GSS: variants seen among roughly 807,000 people sequenced by gnomAD.
The protein encoded by GSS is glutathione synthetase.
In GSS, 34 loss-of-function variants were observed where a neutral mutation model predicts 60.4. That is an observed-to-expected ratio of 0.56 (90% CI 0.43 to 0.75). GSS has a LOEUF of 0.75. Among genes scored for constraint, GSS ranks in the 30% least tolerant of loss-of-function variants. The pLI, the probability that GSS is intolerant of heterozygous loss-of-function variation, is 0.00. For synonymous variants in GSS, 224 were observed against 239.0 expected (o/e 0.94, Z 0.58); for missense variants, 499 against 595.1 (o/e 0.84, Z 1.68).
At chr20:34,952,154 G>A (rs984901174) in intron 1 of GSS, 13 of 436,736 alleles carry the variant, frequency 3.0e-5, no homozygotes, top group African/African-American at 1.6e-4. Context: ...TGACTTGCCC[G>A]AGGTGATGAC....
At chr20:34,946,580 G>A (rs1162977089) in intron 2 of GSS, 4 of 153,924 alleles carry the variant, frequency 2.6e-5, no homozygotes, top group African/African-American at 9.7e-5. Flanking sequence ...ACGGGGTGCT[G>A]GGATTTGAAC....
In GSS at chr20:34,951,869, G is replaced by A; in HGVS notation, c.-8-9C>T. On this transcript the variant is annotated splice_polypyrimidine_tract_variant and intron_variant, in intron 1 of 12. Coordinates refer to ENST00000651619, the MANE Select transcript of GSS (RefSeq NM_000178.4). Reference sequence around the variant, plus strand: ...GGTGGCCATCCCAACACCTGCAAAAGATGGAGAGAAGAGAGTTGGTAACAG... The same window carrying A: ...GGTGGCCATCCCAACACCTGCAAAAAATGGAGAGAAGAGAGTTGGTAACAG... 6.2e-7 allele frequency: 1 copy of A among 1,613,742 alleles called. No homozygotes were observed. Among genetic ancestry groups the A allele is most frequent in the Non-Finnish European group, 8.5e-7 (1 of 1,180,024 alleles).
intron 6 of GSS, among the ~76,000 whole-genome samples, chr20:34,940,700 T>C (rs2081475560): frequency 1.3e-5 from 2 of 152,184 alleles, no homozygotes; most frequent in Admixed American, 1.3e-4. Flanking sequence ...TAAGTGTACA[T>C]TAAGGACTAT....
At chr20:34,937,107 C>A (rs755567751) in intron 6 of GSS, 84 bp from the exon 7 acceptor site, 3 of 890,898 alleles carry the variant, frequency 3.4e-6, no homozygotes, top group Non-Finnish European at 5.6e-6. Flanking sequence ...TACCGCCCCA[C>A]CTCCTGGAAT....
intron 12 of GSS, 155 bp downstream of exon 12, chr20:34,929,246 A>G (rs756177060): frequency 5.2e-6 from 4 of 772,090 alleles, no homozygotes; most frequent in South Asian, 2.9e-5. Flanking sequence ...GCCTCATTTA[A>G]TAGATAAAGA....
rs202063285 is a variant in GSS, at chr20:34,935,675, A to C, written c.768-33T>G. ...ACAGGATGGAGAAGGCTGCTGTGTT[A>C]AATTATAACTGATTTGTTCAGTGGT... is the stretch of plus-strand genomic sequence containing the variant. On this transcript the variant is annotated intron_variant, in intron 8 of 12. Coordinates refer to ENST00000651619, the MANE Select transcript of GSS (RefSeq NM_000178.4). The C allele has an allele frequency of 3.5e-5, 52 of 1,505,484 alleles. 1 individual carries two copies. The Admixed American group carries it at 3.5e-4, about 10-fold the overall frequency. 93.3% of individuals were successfully genotyped at this position (1,505,484 alleles called of 1,614,324 possible). A position where few individuals can be genotyped will look rare whatever the true frequency, so the allele number is the denominator to read the frequency against.
chr20:34,952,315 G>C (rs761582171), intron 1 of GSS: 6 of 225,742 alleles, frequency 2.7e-5, no homozygotes, highest in Non-Finnish European at 5.4e-5. Flanking sequence ...AGAAGAATCG[G>C]ATAGATCAGT....
chr20:34,946,822 G>A (rs2081526456), intron 2 of GSS: 1 of 152,192 alleles, frequency 6.6e-6, no homozygotes, highest in Non-Finnish European at 1.5e-5. Flanking sequence ...AACAGGCCTA[G>A]AGTTCAGCTG....
Position 34,941,808 on chromosome 20 carries a change from A to G in GSS, c.513T>C (p.Ser171=). ...GGATCTTGCCAGCTTCTTTGGTCTTACTCAGGACACTGAGAACATGTCTGT... is the reference window on the plus strand; with the variant it reads ...GGATCTTGCCAGCTTCTTTGGTCTTGCTCAGGACACTGAGAACATGTCTGT... The part of the protein sequence containing the change: ...AVHRHVLSVL[S]KTKEAGKILS... The change falls in exon 6 of 13, where the codon AGT becomes AGC. Residue 171 remains serine, a synonymous_variant. Transcript: ENST00000651619. 1 of 1,603,202 alleles carries G rather than the reference A, an allele frequency of 6.2e-7. No homozygotes were observed. Among genetic ancestry groups the G allele is most frequent in the Non-Finnish European group, 8.5e-7 (1 of 1,171,650 alleles).
rs1555888803 is a variant in GSS at position 34,947,094 on chromosome 20, A to AC, written c.130-997_130-996insG. On this transcript the variant is annotated intron_variant, in intron 2 of 12. Transcript: ENST00000651619. Reference sequence around the variant, plus strand: ...TTTAGATATTTATTTTTAAAGTACTATTTTTTTTTTTGAGGTAGAGTCTCA... The same window carrying AC: ...TTTAGATATTTATTTTTAAAGTACTACTTTTTTTTTTTGAGGTAGAGTCTCA... Among the ~76,000 whole-genome samples the AC allele has an allele frequency of 1.4e-3, 208 of 147,522 alleles. 3 individuals carry two copies. Among genetic ancestry groups the AC allele is most frequent in the African/African-American group, 5.0e-3 (201 of 40,458 alleles).
At chr20:34,951,196 G>C (rs6060127) in intron 2 of GSS, among the ~76,000 whole-genome samples, 38,066 of 152,092 alleles carry the variant, frequency 0.25, 5,175 homozygotes, top group Non-Finnish European at 0.31. Flanking sequence ...GAAGGCATTA[G>C]AAAGTTCTAA....
intron 3 of GSS, 106 bp downstream of exon 3, chr20:34,945,847 T>C (rs1467874604): frequency 1.6e-6 from 2 of 1,242,238 alleles, no homozygotes; most frequent in African/African-American, 3.0e-5. Flanking sequence ...GTACCTTTCC[T>C]CTATCCCACC....
chr20:34,951,319 A>G (rs1206286599), intron 2 of GSS, among the ~76,000 whole-genome samples: 1 of 152,262 alleles, frequency 6.6e-6, no homozygotes, highest in African/African-American at 2.4e-5. Context: ...AAATGCACAG[A>G]GAAAGGCTTG....
intron 2 of GSS, chr20:34,946,489 C>A: frequency 6.3e-6 from 1 of 157,532 alleles, no homozygotes; most frequent in Admixed American, 6.1e-5. Context: ...GTTAACAGAT[C>A]CAAAATTATA....
intron 8 of GSS, among the ~76,000 whole-genome samples, chr20:34,936,478 T>A (rs1198973033): frequency 6.6e-6 from 1 of 152,206 alleles, no homozygotes; most frequent in African/African-American, 2.4e-5. Context: ...TTCTCAGGCC[T>A]GACCTCACCT....
At chr20:34,931,600 GC>G in intron 10 of GSS, 183 bp from the exon 11 acceptor site, 1 of 682,710 alleles carries the variant, frequency 1.5e-6, no homozygotes, top group Non-Finnish European at 2.7e-6. Context: ...AGCAGCCGAT[GC>G]AATGAGAACA....
chr20:34,934,433 C>T (rs769013342), intron 9 of GSS, among the ~76,000 whole-genome samples: 13 of 151,962 alleles, frequency 8.6e-5, no homozygotes, highest in Middle Eastern at 3.4e-3. Flanking sequence ...TATGCCACCA[C>T]GCCCGGCTAA....
chr20:34,952,439 ATT>A (rs113394651), intron 1 of GSS: 35 of 148,774 alleles, frequency 2.4e-4, no homozygotes, highest in South Asian at 4.0e-4. Context: ...GAGGCTTTGT[ATT>A]TTTTTTTTTT....
intron 11 of GSS, 132 bp from the exon 12 acceptor site, chr20:34,929,722 C>T: frequency 1.2e-6 from 1 of 809,052 alleles, no homozygotes; most frequent in Non-Finnish European, 2.2e-6. Flanking sequence ...CAGGGCATAT[C>T]TGGCTTCTCA....
Sources: gnomAD v4.1 joint callset for allele counts (sites outside exome capture counted in the v4.1 genomes callset) on GRCh38, gnomAD v4.1.1 for gene constraint, MANE v1.5 for transcripts, NCBI Gene and HGNC (gene_info 2026-07-23, HGNC 2026-07-21) for gene names.